TENM3: variants seen among roughly 807,000 people sequenced by gnomAD.
The protein encoded by TENM3 is teneurin transmembrane protein 3.
In TENM3, 63 loss-of-function variants were observed where a neutral mutation model predicts 255.1. That is an observed-to-expected ratio of 0.25 (90% CI 0.20 to 0.30). TENM3 has a LOEUF of 0.30. TENM3 is among the 10% of genes least tolerant of loss of function. TENM3 has a pLI of 1.00. For synonymous variants in TENM3, 1,306 were observed against 1,322.3 expected (o/e 0.99, Z 0.27); for missense variants, 2,929 against 3,461.1 (o/e 0.85, Z 3.86).
At chr4:182,326,327 G>A (rs185314345) in intron 2 of TENM3, among the ~76,000 whole-genome samples, 291 of 152,244 alleles carry the variant, frequency 1.9e-3, no homozygotes, top group Non-Finnish European at 3.2e-3. Flanking sequence ...TCCCGGTAGC[G>A]TAGTCTTTTC....
At chr4:181,900,119 T>C in the TENM3 span, among the ~76,000 whole-genome samples, 2 of 152,188 alleles carry the variant, frequency 1.3e-5, no homozygotes, top group Admixed American at 6.5e-5. Flanking sequence ...TATGAGTTTA[T>C]CTTCAAAATT....
the TENM3 span, among the ~76,000 whole-genome samples, chr4:181,978,922 A>G: frequency 6.7e-6 from 1 of 150,188 alleles, no homozygotes; most frequent in Non-Finnish European, 1.5e-5. Flanking sequence ...GTAATGGGTT[A>G]CAAAATTTAA....
At chr4:181,707,447 A>G in the TENM3 span, among the ~76,000 whole-genome samples, 7,353 of 152,344 alleles carry the variant, frequency 0.048, 250 homozygotes, top group Middle Eastern at 0.15. Flanking sequence ...ATGAAACACC[A>G]GTATAATATA....
the TENM3 span, among the ~76,000 whole-genome samples, chr4:181,803,262 C>T: frequency 1.1e-4 from 16 of 152,298 alleles, no homozygotes; most frequent in Non-Finnish European, 2.2e-4. Flanking sequence ...CAAACAATTA[C>T]AAACAAAGCA....
At chr4:182,121,201 T>A in the TENM3 span, among the ~76,000 whole-genome samples, 1 of 152,010 alleles carries the variant, frequency 6.6e-6, no homozygotes, top group Non-Finnish European at 1.5e-5. Flanking sequence ...TTTCACCATG[T>A]TGGCCAGGCT....
At chr4:181,483,202 C>T in the TENM3 span, among the ~76,000 whole-genome samples, 10 of 152,044 alleles carry the variant, frequency 6.6e-5, no homozygotes, top group African/African-American at 2.4e-4. Flanking sequence ...ACTAAATTGT[C>T]CAGAACCTGT....
At chr4:181,989,030 G>A in the TENM3 span, among the ~76,000 whole-genome samples, 1 of 151,904 alleles carries the variant, frequency 6.6e-6, no homozygotes, top group East Asian at 1.9e-4. Context: ...AGTAGACCTT[G>A]GCCTTAAGAC....
chr4:182,404,381 C>G (rs1237698924), intron 3 of TENM3, among the ~76,000 whole-genome samples: 1 of 152,214 alleles, frequency 6.6e-6, no homozygotes, highest in Admixed American at 6.5e-5. Context: ...TAATTCATCA[C>G]TTTAAAAAAC....
chr4:182,025,374 G>A, the TENM3 span, among the ~76,000 whole-genome samples: 3 of 152,140 alleles, frequency 2.0e-5, no homozygotes, highest in Non-Finnish European at 2.9e-5. Flanking sequence ...TTGTGTGTAT[G>A]TACCACATTT....
At chr4:182,618,030 T>C (rs1581116443) in intron 4 of TENM3, among the ~76,000 whole-genome samples, 1 of 152,240 alleles carries the variant, frequency 6.6e-6, no homozygotes, top group Non-Finnish European at 1.5e-5. Context: ...ATTATTTGCT[T>C]TGTTTGTTAA....
At chr4:181,867,138 T>G in the TENM3 span, among the ~76,000 whole-genome samples, 1 of 152,142 alleles carries the variant, frequency 6.6e-6, no homozygotes, top group Non-Finnish European at 1.5e-5. Flanking sequence ...GCTTTCTAAT[T>G]TCACCGTGGA....
the TENM3 span, among the ~76,000 whole-genome samples, chr4:181,886,051 T>G: frequency 1.9e-5 from 2 of 105,724 alleles, no homozygotes; most frequent in East Asian, 1.3e-3. Context: ...TTCTTGGGTT[T>G]TTTTTTTTTT....
chr4:182,291,367 A>T (rs1190156795), intron 1 of TENM3, among the ~76,000 whole-genome samples: 1 of 152,152 alleles, frequency 6.6e-6, no homozygotes, highest in Non-Finnish European at 1.5e-5. Context: ...CAAAGCATGA[A>T]AGAGCCTGGT....
At chr4:182,795,370 A>C (rs1766423386) in intron 26 of TENM3, among the ~76,000 whole-genome samples, 1 of 152,114 alleles carries the variant, frequency 6.6e-6, no homozygotes, top group Admixed American at 6.6e-5. Context: ...ATTTGGGAGA[A>C]TTTTCTCCCA....
the TENM3 span, among the ~76,000 whole-genome samples, chr4:181,745,957 C>A: frequency 6.6e-6 from 1 of 152,084 alleles, no homozygotes; most frequent in African/African-American, 2.4e-5. Flanking sequence ...GGGGTTTTAC[C>A]AAATGAATAT....
intron 3 of TENM3, among the ~76,000 whole-genome samples, chr4:182,589,775 C>A (rs1158219943): frequency 6.6e-6 from 1 of 151,904 alleles, no homozygotes; most frequent in Non-Finnish European, 1.5e-5. Context: ...GAATTTGAGA[C>A]CAGCCTGGCC....
chr4:182,521,108 A>G (rs1738518562), intron 3 of TENM3, among the ~76,000 whole-genome samples: 1 of 152,188 alleles, frequency 6.6e-6, no homozygotes, highest in Non-Finnish European at 1.5e-5. Context: ...TGAAGCATCT[A>G]AAACTTAGAA....
the TENM3 span, among the ~76,000 whole-genome samples, chr4:181,949,855 T>G: frequency 6.6e-6 from 1 of 152,172 alleles, no homozygotes; most frequent in East Asian, 1.9e-4. Context: ...AAGTGACCTC[T>G]GACCTCCAGG....
chr4:181,773,256 T>C, the TENM3 span, among the ~76,000 whole-genome samples: 4 of 152,164 alleles, frequency 2.6e-5, no homozygotes, highest in African/African-American at 9.7e-5. Flanking sequence ...ATTACCTCTT[T>C]CTCTTTACTT....
Sources: allele counts gnomAD v4.1 joint callset (sites outside exome capture counted in the v4.1 genomes callset), GRCh38; gene constraint gnomAD v4.1.1; transcripts MANE v1.5; gene names NCBI Gene and HGNC (gene_info 2026-07-23, HGNC 2026-07-21).